KCNIP4: variants seen among roughly 807,000 people sequenced by gnomAD.
KCNIP4 encodes the protein Kv channel-interacting protein 4.
KCNIP4 carries 12 observed loss-of-function variants against 34.0 expected under a neutral mutation model. The observed-to-expected ratio is 0.35, with a 90% confidence interval of 0.23 to 0.57. KCNIP4 has a LOEUF of 0.57. KCNIP4 is among the 20% of genes least tolerant of loss of function. The pLI is 0.83. For missense variants in KCNIP4, 238 were observed against 311.7 expected (o/e 0.76, Z 1.78); for synonymous variants, 124 against 102.2 (o/e 1.21, Z -1.29).
At chr4:21,686,885 C>T (rs554525644) in intron 1 of KCNIP4, among the ~76,000 whole-genome samples, 15 of 150,680 alleles carry the variant, frequency 1.0e-4, no homozygotes, top group Non-Finnish European at 1.9e-4. Flanking sequence ...TTTATTGCGG[C>T]ATTATTCACA....
intron 1 of KCNIP4, among the ~76,000 whole-genome samples, chr4:21,662,886 A>T (rs988447): frequency 0.3 from 45,929 of 152,112 alleles, 8,455 homozygotes; most frequent in East Asian, 0.84. Flanking sequence ...AACTTGATTC[A>T]AGGGTTATTT....
rs547006167 is a variant in KCNIP4, at chr4:20,945,497, G to A, written c.62-62788C>T. 2.0e-4 allele frequency among the ~76,000 whole-genome samples: 31 copies of A among 152,224 alleles called. No individual in the cohort carries two copies. The East Asian group carries it at 2.1e-3, about 10-fold the overall frequency. On this transcript the variant is annotated intron_variant, in intron 1 of 8. Transcript: ENST00000382152. ...TGGTATACAATGTCATAATATATATGAAAGCATTTTATTTCAAAGCCTTAT... is the reference window on the plus strand; with the variant it reads ...TGGTATACAATGTCATAATATATATAAAAGCATTTTATTTCAAAGCCTTAT...
intron 3 of KCNIP4, among the ~76,000 whole-genome samples, chr4:20,825,233 T>A (rs1283863182): frequency 3.7e-5 from 1 of 26,874 alleles, no homozygotes; most frequent in Non-Finnish European, 1.3e-4. Context: ...ACGTTTTTTT[T>A]TTTTTTTTTT....
chr4:21,872,714 C>A (rs1725888740), intron 1 of KCNIP4, among the ~76,000 whole-genome samples: 1 of 152,120 alleles, frequency 6.6e-6, no homozygotes, highest in Non-Finnish European at 1.5e-5. Context: ...ACCCTAAGAT[C>A]TAATTTATTT....
chr4:21,510,589 G>A (rs797013231), intron 1 of KCNIP4, among the ~76,000 whole-genome samples: 29 of 152,136 alleles, frequency 1.9e-4, no homozygotes, highest in African/African-American at 6.5e-4. Context: ...TCCAAATTCT[G>A]CCATTTACTG....
At chr4:21,065,731 T>C (rs1744304397) in intron 1 of KCNIP4, among the ~76,000 whole-genome samples, 1 of 60,016 alleles carries the variant, frequency 1.7e-5, no homozygotes, top group Admixed American at 1.7e-4. Flanking sequence ...TTTGTCTATA[T>C]ATATATATAT....
chr4:21,236,717 A>G (rs962294232), intron 1 of KCNIP4, among the ~76,000 whole-genome samples: 1 of 152,002 alleles, frequency 6.6e-6, no homozygotes, highest in Non-Finnish European at 1.5e-5. Flanking sequence ...ACCTTTTAAG[A>G]TATACATTCA....
intron 1 of KCNIP4, among the ~76,000 whole-genome samples, chr4:21,525,755 T>G (rs891170957): frequency 6.6e-6 from 1 of 152,180 alleles, no homozygotes; most frequent in Non-Finnish European, 1.5e-5. Flanking sequence ...CTTTGCTTCT[T>G]AAGTGATGCA....
chr4:20,740,337 G>A (rs751999935), intron 5 of KCNIP4, among the ~76,000 whole-genome samples: 55 of 152,150 alleles, frequency 3.6e-4, no homozygotes, highest in African/African-American at 8.7e-4. Context: ...CAGGGAGGTC[G>A]GGTTACCCAC....
intron 1 of KCNIP4, among the ~76,000 whole-genome samples, chr4:21,062,530 A>ATGTGTGTG (rs3080754): frequency 0.058 from 8,650 of 149,242 alleles, 335 homozygotes; most frequent in Admixed American, 0.088. Context: ...GTGTGTGTGC[A>ATGTGTGTG]TGTGTGTGTG....
intron 1 of KCNIP4, among the ~76,000 whole-genome samples, chr4:21,740,558 A>G (rs954525159): frequency 6.6e-6 from 1 of 152,146 alleles, no homozygotes; most frequent in African/African-American, 2.4e-5. Flanking sequence ...TGCTGGGTGT[A>G]AATCCATTGA....
chr4:21,167,149 A>G (rs987553268), intron 1 of KCNIP4, among the ~76,000 whole-genome samples: 2 of 152,100 alleles, frequency 1.3e-5, no homozygotes, highest in South Asian at 4.2e-4. Flanking sequence ...TTGTCAAAAC[A>G]GAAAAAAACC....
At chr4:21,358,300 C>G (rs1718866535) in intron 1 of KCNIP4, among the ~76,000 whole-genome samples, 1 of 151,766 alleles carries the variant, frequency 6.6e-6, no homozygotes, top group African/African-American at 2.4e-5. Context: ...TACATGTACC[C>G]TAGAACTTAA....
At chr4:21,677,207 A>C (rs1749982657) in intron 1 of KCNIP4, among the ~76,000 whole-genome samples, 1 of 152,160 alleles carries the variant, frequency 6.6e-6, no homozygotes, top group Non-Finnish European at 1.5e-5. Context: ...TCTTCTTTTG[A>C]GTTCTTATTT....
At chr4:21,275,485 C>T (rs1317780620) in intron 1 of KCNIP4, among the ~76,000 whole-genome samples, 1 of 152,224 alleles carries the variant, frequency 6.6e-6, no homozygotes, top group Non-Finnish European at 1.5e-5. Flanking sequence ...AGTGTTTACA[C>T]TTCTAATTAT....
At chr4:21,930,649 A>T (rs542145716) in intron 1 of KCNIP4, among the ~76,000 whole-genome samples, 13 of 152,030 alleles carry the variant, frequency 8.6e-5, no homozygotes, top group Non-Finnish European at 1.8e-4. Context: ...GCACAGGCTG[A>T]TCCTACCTCT....
intron 1 of KCNIP4, among the ~76,000 whole-genome samples, chr4:21,559,455 T>C (rs1018287166): frequency 6.6e-6 from 1 of 152,134 alleles, no homozygotes; most frequent in Non-Finnish European, 1.5e-5. Context: ...ATTCACCATG[T>C]ATGTATTCAT....
intron 3 of KCNIP4, among the ~76,000 whole-genome samples, chr4:20,798,265 A>G (rs779051192): frequency 5.9e-5 from 9 of 152,192 alleles, no homozygotes; most frequent in Non-Finnish European, 1.2e-4. Context: ...TACTGCAGAT[A>G]CTCTGAAAGT....
chr4:20,918,484 G>C (rs1577364996), intron 1 of KCNIP4, among the ~76,000 whole-genome samples: 1 of 152,012 alleles, frequency 6.6e-6, no homozygotes, highest in African/African-American at 2.4e-5. Flanking sequence ...ACTTTTATGG[G>C]CTTTTCATTT....
Sources: gnomAD v4.1 joint callset for allele counts (sites outside exome capture counted in the v4.1 genomes callset) on GRCh38, gnomAD v4.1.1 for gene constraint, MANE v1.5 for transcripts, NCBI Gene and HGNC (gene_info 2026-07-23, HGNC 2026-07-21) for gene names.